MLLT10: variants seen among roughly 807,000 people sequenced by gnomAD.
MLLT10 encodes the protein MLLT10 histone lysine methyltransferase DOT1L cofactor.
In MLLT10, 30 loss-of-function variants were observed where a neutral mutation model predicts 129.1. The observed-to-expected ratio is 0.23, with a 90% CI of 0.17 to 0.32. The LOEUF is 0.32. Ranked by LOEUF, MLLT10 falls within the 10% of genes least tolerant of loss-of-function variation. MLLT10 has a pLI of 1.00. For synonymous variants in MLLT10, 490 were observed against 446.4 expected, an observed-to-expected ratio of 1.10 and a Z score of -1.23; for missense variants, 1,119 against 1,268.3, an observed-to-expected ratio of 0.88 and a Z score of 1.79.
intron 9 of MLLT10, among the ~76,000 whole-genome samples, chr10:21,668,271 AGT>A (rs2051036359): frequency 6.6e-6 from 1 of 152,112 alleles, no homozygotes. Context: ...GCTTACTCAT[AGT>A]GTGTCTTTCA....
intron 13 of MLLT10, among the ~76,000 whole-genome samples, chr10:21,707,576 A>T (rs984958334): frequency 6.6e-6 from 1 of 152,120 alleles, no homozygotes; most frequent in Admixed American, 6.5e-5. Context: ...GAGGGACATA[A>T]TTTTTAATCC....
rs1440121599 is a variant in MLLT10, at chr10:21,742,049, G to A, written c.*66G>A. On this transcript the variant is annotated 3_prime_UTR_variant, in exon 23 of 23. Transcript: ENST00000307729. ...AGCACTTCATCTGGCTGCCTTTGCA[G>A]TCCTTTTACTACAGCTATGAAGAAA... The A allele has an allele frequency of 5.6e-6, 8 of 1,441,330 alleles. No homozygotes were observed. Among genetic ancestry groups the A allele is most frequent in the Non-Finnish European group, 7.8e-6 (8 of 1,030,022 alleles). 89.3% of individuals were successfully genotyped at this position (1,441,330 alleles called of 1,614,324 possible). A position where few individuals can be genotyped will look rare whatever the true frequency, so the allele number is the denominator to read the frequency against.
In MLLT10 at chr10:21,673,790, G is replaced by A; in HGVS notation, c.1492G>A (p.Ala498Thr). Residue 498 changes from alanine (A) to threonine (T), a missense_variant, in exon 11 of 23, where the codon GCT becomes ACT. Transcript: ENST00000307729. Reference sequence around the variant, plus strand: ...TGTTTCTCATCTCTCAGTTTCTTCTGCTTCACCAACATCATCTGTAGCATC... The same window carrying A: ...TGTTTCTCATCTCTCAGTTTCTTCTACTTCACCAACATCATCTGTAGCATC... ...ENVSHLSVSS[A>T]SPTSSVASAA... The A allele has an allele frequency of 6.2e-7, 1 of 1,614,164 alleles. No homozygotes were observed.
chr10:21,665,963 A>ACT (rs2050750035), intron 9 of MLLT10, among the ~76,000 whole-genome samples: 2 of 151,858 alleles, frequency 1.3e-5, no homozygotes, highest in Admixed American at 1.3e-4. Flanking sequence ...TGACTCCAAA[A>ACT]GTTCTGGAAT....
At chr10:21,646,096 G>A (rs768764589) in intron 8 of MLLT10, among the ~76,000 whole-genome samples, 6 of 152,112 alleles carry the variant, frequency 3.9e-5, no homozygotes, top group Non-Finnish European at 5.9e-5. Flanking sequence ...TCCCAGCTAC[G>A]TGGATGGCTG....
At position 21,742,096 on chromosome 10, in the gene MLLT10, C is replaced by A; in HGVS notation, c.*113C>A. On this transcript the variant is annotated 3_prime_UTR_variant, in exon 23 of 23. Coordinates refer to ENST00000307729, the MANE Select transcript of MLLT10 (RefSeq NM_001195626.3). The stretch of plus-strand genomic sequence containing the variant: ...GAAACGCAACAAGAAACTCAATGCA[C>A]AACAAAGGATTAATTGCTGCAAGGA... 3.3e-6 allele frequency: 3 copies of A among 901,072 alleles called. No individual in the cohort carries two copies. Among genetic ancestry groups the A allele is most frequent in the Non-Finnish European group, 5.3e-6 (3 of 570,810 alleles). 55.8% of individuals were successfully genotyped at this position (901,072 alleles called of 1,614,324 possible). A position where few individuals can be genotyped will look rare whatever the true frequency, so the allele number is the denominator to read the frequency against.
intron 13 of MLLT10, among the ~76,000 whole-genome samples, chr10:21,690,539 T>G (rs1242409611): frequency 2.6e-5 from 4 of 152,150 alleles, no homozygotes; most frequent in Non-Finnish European, 4.4e-5. Flanking sequence ...ATAAGAGTAT[T>G]AAATAATACT....
chr10:21,738,370 TCTTC>T (rs1458643115), intron 21 of MLLT10: 4 of 1,277,532 alleles, frequency 3.1e-6, no homozygotes, highest in Non-Finnish European at 4.1e-6. Context: ...TATTTGGGTG[TCTTC>T]CTATTAATCA....
intron 3 of MLLT10, among the ~76,000 whole-genome samples, chr10:21,570,655 C>T (rs2040102797): frequency 6.6e-6 from 1 of 150,544 alleles, no homozygotes; most frequent in Admixed American, 6.6e-5. Flanking sequence ...GTGTATTTTT[C>T]ATCTTAGACT....
Position 21,713,784 on chromosome 10 carries a change from G to C in MLLT10, c.1712G>C (p.Ser571Thr). Residue 571 changes from serine (S) to threonine (T), a missense_variant, in exon 14 of 23, where the codon AGC becomes ACC. Physicochemically the swap from Ser to Thr is moderately conservative, Grantham distance 58. Coordinates refer to ENST00000307729, the MANE Select transcript of MLLT10 (RefSeq NM_001195626.3). The part of the protein sequence containing the change: ...LNAIHNGIYN[S>T]NDVAVSFPNV... Reference sequence around the variant, plus strand: ...TGTTTTTTTGCAGGTATTTATAACAGCAATGATGTAGCAGTATCGTTTCCA... The same window carrying C: ...TGTTTTTTTGCAGGTATTTATAACACCAATGATGTAGCAGTATCGTTTCCA... 1 of 1,609,008 alleles carries C rather than the reference G, an allele frequency of 6.2e-7. No individual in the cohort carries two copies. Among genetic ancestry groups the C allele is most frequent in the Non-Finnish European group, 8.5e-7 (1 of 1,178,200 alleles).
At chr10:21,581,099 G>A (rs1346106332) in intron 3 of MLLT10, among the ~76,000 whole-genome samples, 1 of 146,852 alleles carries the variant, frequency 6.8e-6, no homozygotes, top group African/African-American at 2.5e-5. Context: ...AGGCTAGAGT[G>A]CAGTGGCACG....
At chr10:21,705,663 T>C (rs1448191701) in intron 13 of MLLT10, among the ~76,000 whole-genome samples, 1 of 152,186 alleles carries the variant, frequency 6.6e-6, no homozygotes, top group African/African-American at 2.4e-5. Context: ...GCCCACACTT[T>C]GCTCATTCAC....
At chr10:21,733,419 A>T (rs539313285) in intron 18 of MLLT10, 85 bp from the exon 19 acceptor site, 1 of 869,550 alleles carries the variant, frequency 1.2e-6, no homozygotes, top group East Asian at 3.0e-5. Flanking sequence ...GGGCTTCAGC[A>T]TAAGCTTTTT....
chr10:21,737,431 G>A lies in MLLT10; in HGVS notation c.2955+2196G>A, dbSNP rs574453754. Among the ~76,000 whole-genome samples the A allele has an allele frequency of 3.9e-5, 6 of 152,248 alleles. No individual in the cohort carries two copies. The East Asian group carries it at 1.2e-3, about 29-fold the overall frequency. On this transcript the variant is annotated intron_variant, in intron 21 of 22. Transcript: ENST00000307729. ...TGACAGCGTGTGTGTATGTTGATGGGACATTGCTGGGATAGGAGAGAAGAA... is the reference window on the plus strand; with the variant it reads ...TGACAGCGTGTGTGTATGTTGATGGAACATTGCTGGGATAGGAGAGAAGAA...
At chr10:21,560,236 C>T (rs1257171221) in intron 3 of MLLT10, among the ~76,000 whole-genome samples, 1 of 152,256 alleles carries the variant, frequency 6.6e-6, no homozygotes, top group East Asian at 1.9e-4. Flanking sequence ...AACTCTCTAC[C>T]TCAGGTGATC....
chr10:21,654,967 G>A (rs182934316), intron 9 of MLLT10, among the ~76,000 whole-genome samples: 3 of 152,294 alleles, frequency 2.0e-5, no homozygotes, highest in African/African-American at 7.2e-5. Context: ...GAGCCCAGGA[G>A]TTTGAGACCA....
At chr10:21,717,665 TTCC>T (rs2056759962) in intron 14 of MLLT10, among the ~76,000 whole-genome samples, 5 of 39,410 alleles carry the variant, frequency 1.3e-4, no homozygotes, top group Non-Finnish European at 5.0e-5. Flanking sequence ...CCTCCTCCTC[TTCC>T]TCCTCCTCTT....
chr10:21,549,247 C>T (rs910900807), intron 3 of MLLT10, among the ~76,000 whole-genome samples: 2 of 151,944 alleles, frequency 1.3e-5, no homozygotes. Context: ...CCTCAGCCTC[C>T]CCAGTAGCTG....
At chr10:21,677,139 C>T (rs191053126) in intron 11 of MLLT10, among the ~76,000 whole-genome samples, 2 of 152,158 alleles carry the variant, frequency 1.3e-5, no homozygotes, top group African/African-American at 4.8e-5. Flanking sequence ...TTAGACAGCT[C>T]AACAGATGTT....
Sources: gnomAD v4.1 joint callset for allele counts (sites outside exome capture counted in the v4.1 genomes callset) on GRCh38, gnomAD v4.1.1 for gene constraint, MANE v1.5 for transcripts, NCBI Gene and HGNC (gene_info 2026-07-23, HGNC 2026-07-21) for gene names.